Variants in SAMD5 observed in about 807,000 individuals in gnomAD.
SAMD5 encodes sterile alpha motif domain containing 5.
SAMD5 carries 13 observed loss-of-function variants against 11.3 expected under a neutral mutation model. That is an observed-to-expected ratio of 1.15 (90% CI 0.75 to 1.83). SAMD5 has a LOEUF of 1.83. Ranked by LOEUF, SAMD5 falls within the 40% of genes most tolerant of loss-of-function variation. The probability of loss-of-function intolerance (pLI) is 0.00; values close to 1 mark genes in which losing one functional copy is unlikely to be tolerated. For missense variants in SAMD5, 255 were observed against 239.1 expected, an observed-to-expected ratio of 1.07 and a Z score of -0.44; for synonymous variants, 129 against 111.3, an observed-to-expected ratio of 1.16 and a Z score of -1.00.
intron 1 of SAMD5, among the ~76,000 whole-genome samples, chr6:147,651,961 C>T (rs576542466): frequency 1.8e-5 from 1 of 56,526 alleles, no homozygotes; most frequent in South Asian, 7.5e-4. Context: ...TCAACACCAA[C>T]CCCCGCATTC....
chr6:147,783,934 G>A, the SAMD5 span, among the ~76,000 whole-genome samples: 1 of 152,132 alleles, frequency 6.6e-6, no homozygotes, highest in Admixed American at 6.5e-5. Context: ...AGTCTTCTGG[G>A]CCATACCTGT....
the SAMD5 span, among the ~76,000 whole-genome samples, chr6:147,871,468 C>A: frequency 6.6e-6 from 1 of 152,078 alleles, no homozygotes; most frequent in African/African-American, 2.4e-5. Flanking sequence ...CAGGACAAGA[C>A]AAATCTCTAA....
At chr6:147,902,675 A>T in the SAMD5 span, among the ~76,000 whole-genome samples, 7 of 152,204 alleles carry the variant, frequency 4.6e-5, no homozygotes, top group African/African-American at 1.7e-4. Context: ...TGTGAGAAAT[A>T]TCCTGTGATC....
At chr6:147,682,336 A>G (rs1790951949) in intron 1 of SAMD5, among the ~76,000 whole-genome samples, 1 of 152,198 alleles carries the variant, frequency 6.6e-6, no homozygotes, top group South Asian at 2.1e-4. Flanking sequence ...GGGAGGATAA[A>G]TGCGGTACCT....
the SAMD5 span, among the ~76,000 whole-genome samples, chr6:147,839,575 C>T: frequency 0.01 from 1,596 of 152,110 alleles, 29 homozygotes; most frequent in African/African-American, 0.037. Context: ...CATGGCGAAA[C>T]CCAGTCTCTA....
In SAMD5 at chr6:147,567,815, T is replaced by C; in HGVS notation, c.*3359T>C. 1 of 985,268 alleles carries C rather than the reference T, an allele frequency of 1.0e-6. No individual in the cohort carries two copies. Among genetic ancestry groups the C allele is most frequent in the Non-Finnish European group, 1.2e-6 (1 of 829,794 alleles). 61.0% of individuals were successfully genotyped at this position (985,268 alleles called of 1,614,324 possible). A position where few individuals can be genotyped will look rare whatever the true frequency, so the allele number is the denominator to read the frequency against. ...TCAGGAAGGATAAAAAAGGCTACAG[T>C]ACCTGCTCATAGGAGTTCAGTAAAT... On this transcript the variant is annotated 3_prime_UTR_variant, in exon 2 of 2. Transcript: ENST00000367474.
At chr6:147,904,955 C>T in the SAMD5 span, among the ~76,000 whole-genome samples, 1 of 149,944 alleles carries the variant, frequency 6.7e-6, no homozygotes, top group Non-Finnish European at 1.5e-5. Flanking sequence ...ATGGTGCGAT[C>T]TCGGCTCACT....
chr6:147,607,962 C>A (rs1192270427), intron 1 of SAMD5, among the ~76,000 whole-genome samples: 2 of 152,048 alleles, frequency 1.3e-5, no homozygotes, highest in Non-Finnish European at 2.9e-5. Flanking sequence ...TAATCTGATC[C>A]AAACCTGGGC....
chr6:147,548,874 G>A (rs943878909), intron 1 of SAMD5, among the ~76,000 whole-genome samples: 1 of 151,994 alleles, frequency 6.6e-6, no homozygotes, highest in African/African-American at 2.4e-5. Context: ...TTCTTGCATT[G>A]CCCCTCCCTG....
intron 1 of SAMD5, among the ~76,000 whole-genome samples, chr6:147,594,030 G>A (rs964836428): frequency 2.6e-5 from 4 of 151,906 alleles, no homozygotes; most frequent in Non-Finnish European, 5.9e-5. Context: ...TCAGGAGGCT[G>A]AGGCAGGAGA....
At chr6:147,865,948 T>G in the SAMD5 span, among the ~76,000 whole-genome samples, 7 of 152,322 alleles carry the variant, frequency 4.6e-5, no homozygotes, top group Admixed American at 2.6e-4. Flanking sequence ...ATAATAAATT[T>G]TAAAGCTTTT....
At chr6:147,811,695 G>T in the SAMD5 span, among the ~76,000 whole-genome samples, 1 of 152,160 alleles carries the variant, frequency 6.6e-6, no homozygotes, top group Admixed American at 6.5e-5. Context: ...TGAAGGTGGA[G>T]AAGAGAGTTG....
At chr6:147,528,021 T>G (rs990709491) in intron 1 of SAMD5, among the ~76,000 whole-genome samples, 1 of 151,932 alleles carries the variant, frequency 6.6e-6, no homozygotes, top group African/African-American at 2.4e-5. Flanking sequence ...AACAACCAGA[T>G]CTTGTGAGAA....
the SAMD5 span, among the ~76,000 whole-genome samples, chr6:147,804,073 A>T: frequency 6.7e-6 from 1 of 149,764 alleles, no homozygotes; most frequent in Non-Finnish European, 1.5e-5. Flanking sequence ...CCATGGGCCC[A>T]TTCTTGTCTT....
In SAMD5 at chr6:147,523,363, G is replaced by A. The variant is rs76777304; in HGVS notation, c.459+13976G>A. ...ATCAAATAGGTGGATTTTTTAAAAA[G>A]GTCATTGAAGCAAGGATTAAGAACA... On this transcript the variant is annotated intron_variant, in intron 1 of 1. Coordinates refer to ENST00000367474, the MANE Select transcript of SAMD5 (RefSeq NM_001030060.3). 3.3e-5 allele frequency among the ~76,000 whole-genome samples: 5 copies of A among 152,170 alleles called. No individual in the cohort carries two copies. The East Asian group carries it at 9.6e-4, about 29-fold the overall frequency.
At chr6:147,866,457 T>G in the SAMD5 span, among the ~76,000 whole-genome samples, 1 of 152,160 alleles carries the variant, frequency 6.6e-6, no homozygotes, top group Non-Finnish European at 1.5e-5. Context: ...ACGGTAAAGA[T>G]ACTAAACTCT....
intron 1 of SAMD5, among the ~76,000 whole-genome samples, chr6:147,695,361 A>G (rs928449743): frequency 1.3e-5 from 2 of 152,088 alleles, no homozygotes; most frequent in Non-Finnish European, 2.9e-5. Flanking sequence ...AGCCTTCGTT[A>G]CGCTTAGGCC....
chr6:147,933,500 T>C, the SAMD5 span, among the ~76,000 whole-genome samples: 1 of 152,240 alleles, frequency 6.6e-6, no homozygotes, highest in African/African-American at 2.4e-5. Flanking sequence ...GGCTAGGGAA[T>C]AGGGAAGTGG....
At chr6:147,699,703 T>A (rs1172614898) in intron 1 of SAMD5, among the ~76,000 whole-genome samples, 1 of 152,198 alleles carries the variant, frequency 6.6e-6, no homozygotes, top group Non-Finnish European at 1.5e-5. Flanking sequence ...AGGGTGATTT[T>A]AAAATAAACA....
Sources: gnomAD v4.1 joint callset for allele counts (sites outside exome capture counted in the v4.1 genomes callset) on GRCh38, gnomAD v4.1.1 for gene constraint, MANE v1.5 for transcripts, NCBI Gene and HGNC (gene_info 2026-07-23, HGNC 2026-07-21) for gene names.